OR2L3: variants seen among roughly 807,000 people sequenced by gnomAD.
OR2L3 encodes olfactory receptor 2L3.
For synonymous variants in OR2L3, 131 were observed against 139.1 expected, an observed-to-expected ratio of 0.94 and a Z score of 0.41; for missense variants, 369 against 376.6, an observed-to-expected ratio of 0.98 and a Z score of 0.17.
intron 1 of OR2L3, among the ~76,000 whole-genome samples, chr1:248,058,967 A>AAAGG (rs1050726445): frequency 2.0e-5 from 3 of 152,076 alleles, no homozygotes; most frequent in African/African-American, 7.2e-5. Flanking sequence ...TTTAATTTTC[A>AAAGG]AAGGTCCTTT....
chr1:248,047,227 C>T (rs924586285), intron 1 of OR2L3, among the ~76,000 whole-genome samples: 3 of 152,100 alleles, frequency 2.0e-5, no homozygotes, highest in African/African-American at 7.2e-5. Context: ...TTCCTCATTC[C>T]TACTTGGCTG....
intron 1 of OR2L3, among the ~76,000 whole-genome samples, chr1:248,052,872 TATC>T (rs1043275453): frequency 7.9e-4 from 121 of 152,302 alleles, no homozygotes; most frequent in African/African-American, 2.8e-3. Flanking sequence ...AAAAAAAATT[TATC>T]ATTTTAATTT....
chr1:248,049,738 AT>A (rs1663195381), intron 1 of OR2L3, among the ~76,000 whole-genome samples: 1 of 151,994 alleles, frequency 6.6e-6, no homozygotes, highest in African/African-American at 2.4e-5. Flanking sequence ...TGTTTTAATA[AT>A]TTTTTTCTAT....
chr1:248,054,368 T>C (rs566322872), intron 1 of OR2L3, among the ~76,000 whole-genome samples: 2 of 152,324 alleles, frequency 1.3e-5, no homozygotes, highest in South Asian at 2.1e-4. Flanking sequence ...AGCTTTGTAG[T>C]ATAGTTTGCA....
Position 248,046,934 on chromosome 1 carries a change from C to T in OR2L3, c.-22+54C>T, listed in dbSNP as rs985030271. On this transcript the variant is annotated intron_variant, in intron 1 of 1. Transcript: ENST00000359959. ...TTTATTGATTACAGGGAAGAAGGAA[C>T]TCTGGCAAGTGCTTAAGAGACCTTT... is the stretch of plus-strand genomic sequence containing the variant. 4.6e-5 allele frequency: 7 copies of T among 152,212 alleles called. No homozygotes were observed. In the South Asian group the frequency reaches 1.4e-3, roughly 32 times the overall value. The allele number at this position is 152,212 out of a possible 1,614,324, so 9.4% of individuals were successfully genotyped here.
intron 1 of OR2L3, among the ~76,000 whole-genome samples, chr1:248,056,094 T>A (rs1178170827): frequency 1.3e-5 from 2 of 152,228 alleles, no homozygotes; most frequent in African/African-American, 4.8e-5. Flanking sequence ...GTTGTTTGTG[T>A]TCCTGTGGGG....
intron 1 of OR2L3, among the ~76,000 whole-genome samples, chr1:248,051,804 T>C (rs751863783): frequency 3.9e-5 from 6 of 152,156 alleles, no homozygotes; most frequent in Non-Finnish European, 7.4e-5. Flanking sequence ...TTTATTTCAT[T>C]CAGAACTAAA....
In OR2L3 at chr1:248,061,094, G is replaced by C. The variant is rs374072491; in HGVS notation, c.413G>C (p.Arg138Thr). The C allele has an allele frequency of 6.2e-7, 1 of 1,613,982 alleles. No homozygotes were observed. The highest frequency in any genetic ancestry group is 1.3e-5 in the African/African-American group (1 of 74,938). The stretch of plus-strand genomic sequence containing the variant: ...CACTATCCCATCCGCATGAGCAAAA[G>C]AATGTGTGTGCTGATGATAACAGGG... ...PLHYPIRMSK[R>T]MCVLMITGSW... The change falls in exon 2 of 2, where the codon AGA becomes ACA. Residue 138 changes from arginine to threonine, a missense_variant. Transcript: ENST00000359959.
rs540312570 is a variant in OR2L3, at chr1:248,059,226, G to C, written c.-21-1435G>C. Among the ~76,000 whole-genome samples the C allele has an allele frequency of 4.4e-4, 67 of 152,200 alleles. 1 individual carries two copies. The highest frequency in any genetic ancestry group is 1.6e-3 in the African/African-American group (65 of 41,540). On this transcript the variant is annotated intron_variant, in intron 1 of 1. Transcript: ENST00000359959. The stretch of plus-strand genomic sequence containing the variant: ...GTAGCTCAAAATTCTGGTGGTATTT[G>C]GCTCTAGACTAATATTTAAGCCTAA...
rs756449207 is a variant in OR2L3 at position 248,061,475 on chromosome 1, G to A, written c.794G>A (p.Arg265Gln). 66 of 1,613,690 alleles carry A rather than the reference G, an allele frequency of 4.1e-5. No homozygotes were observed. The highest frequency in any genetic ancestry group is 8.0e-5 in the African/African-American group (6 of 74,782). Residue 265 changes from arginine to glutamine, a missense_variant, in exon 2 of 2, where the codon CGA (arginine) becomes CAA (glutamine). Transcript: ENST00000359959. ...VYTYLRPRSL[R>Q]SPTEDKVLAV... The stretch of plus-strand genomic sequence containing the variant: ...ACTTATCTACGTCCAAGATCCCTGC[G>A]ATCTCCAACAGAGGACAAGGTTCTG...
At chr1:248,053,290 T>C (rs529102151) in intron 1 of OR2L3, among the ~76,000 whole-genome samples, 1 of 152,322 alleles carries the variant, frequency 6.6e-6, no homozygotes, top group South Asian at 2.1e-4. Context: ...GATCTTATTA[T>C]TTTTTATGGC....
At position 248,051,769 on chromosome 1, in the gene OR2L3, T is replaced by TTTTATTTATTTA. The variant is rs10689727; in HGVS notation, c.-22+4896_-22+4907dup. Among the ~76,000 whole-genome samples the TTTTATTTATTTA allele has an allele frequency of 3.3e-3, 498 of 151,496 alleles. 5 individuals are homozygous for TTTTATTTATTTA. Among genetic ancestry groups the TTTTATTTATTTA allele is most frequent in the African/African-American group, 0.012 (485 of 41,134 alleles). On this transcript the variant is annotated intron_variant, in intron 1 of 1. Coordinates refer to ENST00000359959, the MANE Select transcript of OR2L3 (RefSeq NM_001004687.2). Reference sequence around the variant, plus strand: ...ATGTCTGTTCAAGTGTCTGCTTTTATTTTATTTATTTATTTATTATTTTAT... The same window carrying TTTTATTTATTTA: ...ATGTCTGTTCAAGTGTCTGCTTTTATTTTATTTATTTATTTATTTATTTATTTATTATTTTAT...
At chr1:248,052,514 G>C (rs1663293186) in intron 1 of OR2L3, among the ~76,000 whole-genome samples, 1 of 152,104 alleles carries the variant, frequency 6.6e-6, no homozygotes, top group Non-Finnish European at 1.5e-5. Context: ...AGATCACAAG[G>C]TAAGGAGGTT....
chr1:248,048,348 A>C (rs1192674690), intron 1 of OR2L3, among the ~76,000 whole-genome samples: 1 of 152,236 alleles, frequency 6.6e-6, no homozygotes, highest in Non-Finnish European at 1.5e-5. Context: ...ATATTAAATA[A>C]GATCAGTTAT....
chr1:248,050,043 T>C (rs1198527393), intron 1 of OR2L3, among the ~76,000 whole-genome samples: 1 of 152,194 alleles, frequency 6.6e-6, no homozygotes, highest in African/African-American at 2.4e-5. Flanking sequence ...TGAACTCCAA[T>C]AGAATCACGG....
At position 248,060,700 on chromosome 1, in the gene OR2L3, ACAT is replaced by A; in HGVS notation, c.22_24del (p.Ser8del). The A allele has an allele frequency of 1.2e-6, 2 of 1,613,196 alleles. No individual in the cohort carries two copies. Among genetic ancestry groups the A allele is most frequent in the Non-Finnish European group, 1.7e-6 (2 of 1,179,354 alleles). Reference sequence around the variant, plus strand: ...ATGCCCCATGGAAAATTACAATCAAACATCAACTGATTTCATCTTATTAGGATT... The same window carrying A: ...ATGCCCCATGGAAAATTACAATCAAACAACTGATTTCATCTTATTAGGATT... On this transcript the variant is annotated inframe_deletion, in exon 2 of 2. Coordinates refer to ENST00000359959, the MANE Select transcript of OR2L3 (RefSeq NM_001004687.2).
At chr1:248,054,733 C>T (rs1663377831) in intron 1 of OR2L3, among the ~76,000 whole-genome samples, 1 of 152,134 alleles carries the variant, frequency 6.6e-6, no homozygotes. Context: ...CATGATTTGG[C>T]TTTCTGCCTG....
At chr1:248,051,756 G>C (rs1663270290) in intron 1 of OR2L3, among the ~76,000 whole-genome samples, 1 of 149,724 alleles carries the variant, frequency 6.7e-6, no homozygotes, top group Non-Finnish European at 1.5e-5. Context: ...GTCTGTTCAA[G>C]TGTCTGCTTT....
chr1:248,050,812 T>C (rs532239580), intron 1 of OR2L3, among the ~76,000 whole-genome samples: 1 of 152,318 alleles, frequency 6.6e-6, no homozygotes, highest in Admixed American at 6.5e-5. Flanking sequence ...GCCAATCTCA[T>C]CTTGATTCCA....
Sources: gnomAD v4.1 joint callset for allele counts (sites outside exome capture counted in the v4.1 genomes callset) on GRCh38, gnomAD v4.1.1 for gene constraint, MANE v1.5 for transcripts, NCBI Gene and HGNC (gene_info 2026-07-23, HGNC 2026-07-21) for gene names.